Variants in RSPH6A observed in about 807,000 individuals in gnomAD.
RSPH6A encodes radial spoke head 6 homolog A, also known as radial spoke head protein 6 homolog A.
In RSPH6A, 49 loss-of-function variants were observed where a neutral mutation model predicts 66.1. The ratio of observed to expected loss-of-function variants is 0.74; its 90% confidence interval spans 0.59 to 0.94. The LOEUF is 0.94. Among genes scored for constraint, RSPH6A ranks in the 40% least tolerant of loss-of-function variants. The probability of loss-of-function intolerance (pLI) is 0.00; values close to 1 mark genes in which losing one functional copy is unlikely to be tolerated. For synonymous variants in RSPH6A, 419 were observed against 402.4 expected, an observed-to-expected ratio of 1.04 and a Z score of -0.49; for missense variants, 977 against 948.3, an observed-to-expected ratio of 1.03 and a Z score of -0.40.
chr19:45,801,234 CACACCT>C (rs1970470407), intron 4 of RSPH6A, among the ~76,000 whole-genome samples: 2 of 152,226 alleles, frequency 1.3e-5, no homozygotes, highest in African/African-American at 2.4e-5. Context: ...AGGTCTGCAG[CACACCT>C]GCTGCAGTGC....
rs1970612484 is a variant in RSPH6A, at chr19:45,810,641, C to T, written c.850G>A (p.Gly284Ser). The T allele has an allele frequency of 8.1e-6, 13 of 1,614,038 alleles. No individual in the cohort carries two copies. The highest frequency in any genetic ancestry group is 1.1e-5 in the Non-Finnish European group (13 of 1,180,036). The change falls in exon 2 of 6, where the codon GGC (glycine) becomes AGC (serine). Residue 284 changes from glycine (G) to serine (S), a missense_variant. Gly to Ser is a moderately conservative substitution (Grantham distance 56, BLOSUM62 0). Coordinates refer to ENST00000221538, the MANE Select transcript of RSPH6A (RefSeq NM_030785.4). ...KQKALFTRSGGGTEGEQEMEE... is the reference protein window; with the variant it reads ...KQKALFTRSGSGTEGEQEMEE... ...ATCTCCTGTTCGCCTTCAGTGCCGC[C>T]TCCACTCCGGGTGAACAGCGCCTTC... is the stretch of plus-strand genomic sequence containing the variant.
Position 45,814,548 on chromosome 19 carries a change from C to T in RSPH6A, c.629G>A (p.Ser210Asn). 1 of 1,511,808 alleles carries T rather than the reference C, an allele frequency of 6.6e-7. No homozygotes were observed. 93.6% of individuals were successfully genotyped at this position (1,511,808 alleles called of 1,614,324 possible). Residue 210 changes from serine to asparagine, a missense_variant, in exon 1 of 6, where the codon AGC (serine) becomes AAC (asparagine). Coordinates refer to ENST00000221538, the MANE Select transcript of RSPH6A (RefSeq NM_030785.4). ...QNAKAYLLQT[S>N]INCDLSLYEH... ...TCACAGGCTGAGGTCGCAATTGATGCTGGTCTGCAGCAGGTAGGCCTTGGC... is the reference window on the plus strand; with the variant it reads ...TCACAGGCTGAGGTCGCAATTGATGTTGGTCTGCAGCAGGTAGGCCTTGGC...
At chr19:45,809,367 C>G (rs1179129685) in intron 2 of RSPH6A, among the ~76,000 whole-genome samples, 1 of 143,288 alleles carries the variant, frequency 7.0e-6, no homozygotes, top group African/African-American at 2.6e-5. Context: ...TGTAGTGGTG[C>G]GACCTCCCCT....
Position 45,810,675 on chromosome 19 carries a change from C to T in RSPH6A, c.816G>A (p.Ala272=), listed in dbSNP as rs767244839. 91 of 1,613,946 alleles carry T rather than the reference C, an allele frequency of 5.6e-5. 1 individual carries two copies. Among genetic ancestry groups the T allele is most frequent in the Middle Eastern group, 1.6e-4 (1 of 6,084 alleles). Reference sequence around the variant, plus strand: ...GGGTGAACAGCGCCTTCTGTTTCTCCGCCATCTTGTAGGTGGGCTGCATCT... The same window carrying T: ...GGGTGAACAGCGCCTTCTGTTTCTCTGCCATCTTGTAGGTGGGCTGCATCT... ...DPEMQPTYKM[A]EKQKALFTRS... Residue 272 remains alanine (A), a synonymous_variant, in exon 2 of 6, where the codon GCG becomes GCA. Transcript: ENST00000221538.
chr19:45,807,718 C>T (rs1970565784), intron 2 of RSPH6A, among the ~76,000 whole-genome samples: 1 of 151,994 alleles, frequency 6.6e-6, no homozygotes, highest in Non-Finnish European at 1.5e-5. Flanking sequence ...ACCATGTTGG[C>T]CATGCTGGTC....
rs1252980678 is a variant in RSPH6A at position 45,804,819 on chromosome 19, G to T, written c.1086C>A (p.Phe362Leu). The T allele has an allele frequency of 6.2e-7, 1 of 1,614,068 alleles. No homozygotes were observed. The highest frequency in any genetic ancestry group is 8.5e-7 in the Non-Finnish European group (1 of 1,179,988). Residue 362 changes from phenylalanine to leucine, a missense_variant, in exon 3 of 6, where the codon TTC becomes TTA. Phe to Leu is a conservative substitution (Grantham distance 22). Transcript: ENST00000221538. This position sits in a 1 kb window ranked among gnomAD's most constrained non-coding sequence, Gnocchi z 5.8. ...KRSYLVAEVE[F>L]REGEEEAEEE... ...CCTCTGCCTCCTCCTCGCCCTCCCGGAATTCCACCTCGGCCACCAGGTAGC... is the reference window on the plus strand; with the variant it reads ...CCTCTGCCTCCTCCTCGCCCTCCCGTAATTCCACCTCGGCCACCAGGTAGC...
chr19:45,802,754 G>A (rs560286296), intron 3 of RSPH6A, among the ~76,000 whole-genome samples: 70 of 150,522 alleles, frequency 4.7e-4, no homozygotes, highest in African/African-American at 1.6e-3. Context: ...TGATCCACCC[G>A]CCTTGGCCTC....
intron 2 of RSPH6A, among the ~76,000 whole-genome samples, chr19:45,806,670 CAAAAAAAAAAAAAAAAA>C (rs71175223): frequency 3.4e-5 from 1 of 29,128 alleles, no homozygotes; most frequent in Non-Finnish European, 5.4e-5. Flanking sequence ...GACTCTGTCT[CAAAAAAAAAAAAAAAAA>C]AAAAAAAAAA....
chr19:45,801,999 A>T (rs1970479675), intron 4 of RSPH6A, 121 bp downstream of exon 4: 1 of 1,037,332 alleles, frequency 9.6e-7, no homozygotes. Context: ...TTTTTAGCTG[A>T]GAGAGCCTCT....
intron 1 of RSPH6A, 109 bp downstream of exon 1, chr19:45,814,418 G>T (rs1970672523): frequency 2.0e-6 from 2 of 1,020,834 alleles, no homozygotes; most frequent in South Asian, 2.3e-5. Flanking sequence ...TAGAGTCACT[G>T]GTTTTCCATG....
At chr19:45,800,370 C>A (rs28637549) in intron 5 of RSPH6A, 76 bp downstream of exon 5, 1 of 1,338,180 alleles carries the variant, frequency 7.5e-7, no homozygotes, top group East Asian at 2.3e-5. Context: ...CCCACCCTGG[C>A]GAGTTGCCCA....
rs537245567 is a variant in RSPH6A, at chr19:45,805,927, C to A, written c.889-911G>T. On this transcript the variant is annotated intron_variant, in intron 2 of 5. Coordinates refer to ENST00000221538, the MANE Select transcript of RSPH6A (RefSeq NM_030785.4). ...GGAGCCACAGCAGCTATCTTGGGAC[C>A]ATGAGGCAACACATGGGAGACAAAG... Among the ~76,000 whole-genome samples, 3 of 152,266 alleles carry A rather than the reference C, an allele frequency of 2.0e-5. No individual in the cohort carries two copies. The South Asian group carries it at 6.2e-4, about 32-fold the overall frequency.
At position 45,813,778 on chromosome 19, in the gene RSPH6A, T is replaced by C. The variant is rs186063621; in HGVS notation, c.650+749A>G. Among the ~76,000 whole-genome samples the C allele has an allele frequency of 2.0e-3, 302 of 152,310 alleles. 2 individuals are homozygous for C. Among genetic ancestry groups the C allele is most frequent in the African/African-American group, 7.0e-3 (291 of 41,576 alleles). On this transcript the variant is annotated intron_variant, in intron 1 of 5. Transcript: ENST00000221538. ...GAATGAGAGCATCCTGGGTATCTAA[T>C]GGAGGCTGAGAGCAGTGTTTTGTGA...
intron 2 of RSPH6A, among the ~76,000 whole-genome samples, chr19:45,808,152 C>T (rs774336136): frequency 6.6e-6 from 1 of 152,194 alleles, no homozygotes; most frequent in Admixed American, 6.5e-5. Context: ...TGTGGGCGGG[C>T]GCCATGGCTC....
chr19:45,797,979 A>T (rs893300077), intron 5 of RSPH6A, among the ~76,000 whole-genome samples: 1 of 152,214 alleles, frequency 6.6e-6, no homozygotes, highest in African/African-American at 2.4e-5. Flanking sequence ...GCCTTTCTGC[A>T]GAATTTTAAC....
At chr19:45,803,584 G>A (rs535529800) in intron 3 of RSPH6A, among the ~76,000 whole-genome samples, 1 of 151,900 alleles carries the variant, frequency 6.6e-6, no homozygotes. Context: ...GCTGAGGTGG[G>A]AGAATTCGCT....
chr19:45,796,680 T>C (rs1346058528), intron 5 of RSPH6A, among the ~76,000 whole-genome samples: 1 of 151,934 alleles, frequency 6.6e-6, no homozygotes, highest in Non-Finnish European at 1.5e-5. Context: ...GCCCAGCTAA[T>C]TTTTATATTT....
chr19:45,801,173 G>A (rs563794111), intron 4 of RSPH6A, among the ~76,000 whole-genome samples: 1 of 152,316 alleles, frequency 6.6e-6, no homozygotes, highest in East Asian at 1.9e-4. Context: ...CCCAGGAAAT[G>A]GGGAGACTCA....
chr19:45,812,404 A>C (rs1283452357), intron 1 of RSPH6A, among the ~76,000 whole-genome samples: 1 of 151,700 alleles, frequency 6.6e-6, no homozygotes, highest in African/African-American at 2.4e-5. Flanking sequence ...CAGCCTTTGA[A>C]ACCAAGTTGG....
Sources: allele counts gnomAD v4.1 joint callset (sites outside exome capture counted in the v4.1 genomes callset), GRCh38; gene constraint gnomAD v4.1.1; non-coding constraint Gnocchi (gnomAD v3.1); transcripts MANE v1.5; gene names NCBI Gene and HGNC (gene_info 2026-07-23, HGNC 2026-07-21).